Variants in RNLS observed in about 807,000 individuals in gnomAD.
RNLS encodes the protein renalase.
Under a neutral mutation model 39.8 loss-of-function variants are expected in RNLS, and 39 were observed. That is an observed-to-expected ratio of 0.98 (90% CI 0.76 to 1.28). The LOEUF (loss-of-function observed/expected upper bound fraction) is 1.28. RNLS is among the 50% of genes most tolerant of loss of function. The pLI, the probability that RNLS is intolerant of heterozygous loss-of-function variation, is 0.00. For missense variants in RNLS, 410 were observed against 413.3 expected (o/e 0.99, Z 0.07); for synonymous variants, 147 against 150.7 (o/e 0.98, Z 0.18).
intron 4 of RNLS, among the ~76,000 whole-genome samples, chr10:88,409,329 A>G (rs1030468858): frequency 6.6e-6 from 1 of 152,200 alleles, no homozygotes; most frequent in Admixed American, 6.6e-5. Context: ...AGCGTTAAAC[A>G]TGCATTTCTC....
chr10:88,488,214 G>T (rs1158710956), intron 4 of RNLS, among the ~76,000 whole-genome samples: 1 of 152,018 alleles, frequency 6.6e-6, no homozygotes, highest in Non-Finnish European at 1.5e-5. Context: ...GATATGTGCA[G>T]GTTATTGTAT....
chr10:88,462,978 A>G (rs1843011522), intron 4 of RNLS, among the ~76,000 whole-genome samples: 1 of 152,054 alleles, frequency 6.6e-6, no homozygotes, highest in Admixed American at 6.6e-5. Context: ...ATGATAGTAA[A>G]TGATTAAAGT....
At chr10:88,563,399 A>G (rs1849302496) in intron 4 of RNLS, among the ~76,000 whole-genome samples, 1 of 152,206 alleles carries the variant, frequency 6.6e-6, no homozygotes, top group Non-Finnish European at 1.5e-5. Flanking sequence ...CTAAATGCCC[A>G]TCAAACTGGT....
chr10:88,352,253 A>C (rs1380655296), intron 5 of RNLS, among the ~76,000 whole-genome samples: 2 of 152,184 alleles, frequency 1.3e-5, no homozygotes, highest in African/African-American at 2.4e-5. Context: ...AGGAGTGGTG[A>C]GAGAGGGCAT....
intron 6 of RNLS, among the ~76,000 whole-genome samples, chr10:88,275,322 T>C (rs1049887037): frequency 6.6e-6 from 1 of 152,200 alleles, no homozygotes; most frequent in East Asian, 1.9e-4. Context: ...CTATTAATCT[T>C]CAAATTATTA....
chr10:88,376,827 T>G (rs1851040183), intron 4 of RNLS, among the ~76,000 whole-genome samples: 2 of 152,114 alleles, frequency 1.3e-5, no homozygotes, highest in African/African-American at 4.8e-5. Flanking sequence ...TACATTCACA[T>G]TCACAATATT....
chr10:88,310,801 CAAAA>C (rs577838661), intron 6 of RNLS, among the ~76,000 whole-genome samples: 21 of 19,600 alleles, frequency 1.1e-3, no homozygotes, highest in South Asian at 6.5e-3. Flanking sequence ...CTACCTCTGC[CAAAA>C]AAAAAAAAAA....
intron 4 of RNLS, among the ~76,000 whole-genome samples, chr10:88,564,791 T>C (rs1849403252): frequency 6.6e-6 from 1 of 152,214 alleles, no homozygotes; most frequent in South Asian, 2.1e-4. Flanking sequence ...GAGGTTTCTC[T>C]ATTCTCCCAG....
chr10:88,373,828 G>A (rs995700380), intron 4 of RNLS, among the ~76,000 whole-genome samples: 3 of 151,938 alleles, frequency 2.0e-5, no homozygotes, highest in Non-Finnish European at 2.9e-5. Context: ...TCACGTCACT[G>A]CAAATGCTGA....
intron 4 of RNLS, among the ~76,000 whole-genome samples, chr10:88,452,860 G>T (rs1396965176): frequency 6.6e-6 from 1 of 152,080 alleles, no homozygotes; most frequent in Non-Finnish European, 1.5e-5. Context: ...GGTGTCTCTT[G>T]GTACTCTCTT....
the RNLS span, among the ~76,000 whole-genome samples, chr10:88,217,245 A>G: frequency 6.6e-6 from 1 of 152,240 alleles, no homozygotes. Flanking sequence ...AAGAAGCAGC[A>G]AAGTTCGTCA....
chr10:88,232,359 C>T, the RNLS span, among the ~76,000 whole-genome samples: 1 of 152,188 alleles, frequency 6.6e-6, no homozygotes, highest in Non-Finnish European at 1.5e-5. Flanking sequence ...TACACCCACA[C>T]CCACATAGAA....
At chr10:88,172,341 T>A in the RNLS span, among the ~76,000 whole-genome samples, 1 of 152,082 alleles carries the variant, frequency 6.6e-6, no homozygotes, top group African/African-American at 2.4e-5. Context: ...CATTTGATAT[T>A]TTTTTTGTCT....
chr10:88,201,322 C>T, the RNLS span, among the ~76,000 whole-genome samples: 4 of 152,140 alleles, frequency 2.6e-5, no homozygotes, highest in Non-Finnish European at 5.9e-5. Flanking sequence ...TATTTGAACC[C>T]ATGTTGGCTT....
chr10:88,228,603 T>A, the RNLS span, among the ~76,000 whole-genome samples: 11 of 152,358 alleles, frequency 7.2e-5, no homozygotes, highest in African/African-American at 2.6e-4. Flanking sequence ...ACTTCTTCGG[T>A]GTCCACCACT....
chr10:88,266,198 C>G, the RNLS span, among the ~76,000 whole-genome samples: 1 of 152,262 alleles, frequency 6.6e-6, no homozygotes, highest in African/African-American at 2.4e-5. Context: ...CCAGTCACTT[C>G]TAGGCAGGCT....
intron 3 of RNLS, among the ~76,000 whole-genome samples, chr10:88,578,467 G>A (rs1326832096): frequency 6.6e-6 from 1 of 151,758 alleles, no homozygotes; most frequent in Non-Finnish European, 1.5e-5. Context: ...TGTTTAAAAG[G>A]GATATAATTA....
At chr10:88,187,902 C>T in the RNLS span, among the ~76,000 whole-genome samples, 12 of 152,082 alleles carry the variant, frequency 7.9e-5, no homozygotes, top group African/African-American at 2.2e-4. Context: ...CAATAGTAGA[C>T]GTTTAGTATT....
chr10:88,399,348 A>C (rs2133627442), intron 4 of RNLS, among the ~76,000 whole-genome samples: 1 of 152,196 alleles, frequency 6.6e-6, no homozygotes, highest in East Asian at 1.9e-4. Flanking sequence ...TTTTTATAGC[A>C]ATAATATTTA....
Sources: allele counts gnomAD v4.1 joint callset (sites outside exome capture counted in the v4.1 genomes callset), GRCh38; gene constraint gnomAD v4.1.1; transcripts MANE v1.5; gene names NCBI Gene and HGNC (gene_info 2026-07-23, HGNC 2026-07-21).